Variants in TRIM16 observed in about 807,000 individuals in gnomAD.
TRIM16 encodes tripartite motif-containing protein 16.
Under a neutral mutation model 50.4 loss-of-function variants are expected in TRIM16, and 33 were observed. The ratio of observed to expected loss-of-function variants is 0.65; its 90% CI spans 0.50 to 0.88. TRIM16 has a LOEUF of 0.88. Ranked by LOEUF, TRIM16 falls within the 40% of genes least tolerant of loss-of-function variation. The probability of loss-of-function intolerance (pLI) is 0.00; values close to 1 mark genes in which losing one functional copy is unlikely to be tolerated. For synonymous variants in TRIM16, 229 were observed against 270.7 expected (o/e 0.85, Z 1.51); for missense variants, 581 against 686.8 (o/e 0.85, Z 1.72).
Position 15,628,661 on chromosome 17 carries a change from T to A in TRIM16, c.1649A>T (p.Glu550Val). The change falls in exon 12 of 12, where the codon GAG becomes GTG. Residue 550 changes from glutamate to valine, a missense_variant. Transcript: ENST00000649191. ...ENAIRIVDLG[E>V]EPEKPAPSLV... ...GGACGGTGCTGGCTTCTCGGGTTCC[T>A]CTCCCAGATCTACAATCCGGATGGC... 6.2e-7 allele frequency: 1 copy of A among 1,613,744 alleles called. No homozygotes were observed. Among genetic ancestry groups the A allele is most frequent in the Middle Eastern group, 1.7e-4 (1 of 6,058 alleles).
chr17:15,672,349 G>A (rs1988762817), intron 6 of TRIM16, among the ~76,000 whole-genome samples: 1 of 149,376 alleles, frequency 6.7e-6, no homozygotes, highest in Admixed American at 6.7e-5. Flanking sequence ...CTGAGCTTTA[G>A]CTTAGGTTGT....
At chr17:15,680,979 C>T (rs548471235) in intron 3 of TRIM16, 26 bp from the exon 4 acceptor site, 1 of 1,432,734 alleles carries the variant, frequency 7.0e-7, no homozygotes, top group African/African-American at 1.5e-5. Flanking sequence ...CATAAAGGAA[C>T]CTGGTTTATC....
At chr17:15,666,227 A>T (rs1597659394) in intron 6 of TRIM16, among the ~76,000 whole-genome samples, 1 of 152,192 alleles carries the variant, frequency 6.6e-6, no homozygotes, top group African/African-American at 2.4e-5. Context: ...CATCCAGAGA[A>T]AGCTTTTCAT....
At position 15,642,873 on chromosome 17, in the gene TRIM16, A is replaced by G. The variant is rs1003907642; in HGVS notation, c.520-57T>C. ...AGGAGCCCAATGCACACAGAAGGAC[A>G]CGGGCACTCTCCAGCCCTGACATCC... On this transcript the variant is annotated intron_variant, in intron 7 of 11. Coordinates refer to ENST00000649191, the MANE Select transcript of TRIM16 (RefSeq NM_001348119.1). 2.9e-5 allele frequency: 14 copies of G among 488,626 alleles called. 1 individual carries two copies. Among genetic ancestry groups the G allele is most frequent in the Non-Finnish European group, 4.4e-5 (13 of 292,870 alleles). The allele number at this position is 488,626 out of a possible 1,614,324, so 30.3% of individuals were successfully genotyped here.
At chr17:15,636,838 C>G (rs1028677860) in intron 8 of TRIM16, among the ~76,000 whole-genome samples, 7 of 148,922 alleles carry the variant, frequency 4.7e-5, no homozygotes, top group African/African-American at 1.5e-4. Flanking sequence ...ATATGCAGAA[C>G]AGAATGTGAC....
chr17:15,671,640 T>A (rs548870474), intron 6 of TRIM16, among the ~76,000 whole-genome samples: 10 of 152,136 alleles, frequency 6.6e-5, no homozygotes, highest in Non-Finnish European at 1.2e-4. Flanking sequence ...AGTATTATTT[T>A]GTGTAAAATC....
chr17:15,650,943 G>C, intron 7 of TRIM16, 148 bp downstream of exon 7: 1 of 1,162,292 alleles, frequency 8.6e-7, no homozygotes. Flanking sequence ...TATTTACACT[G>C]ACCCAGCAGG....
intron 7 of TRIM16, among the ~76,000 whole-genome samples, chr17:15,649,377 C>A (rs887020791): frequency 7.2e-5 from 11 of 152,084 alleles, no homozygotes; most frequent in African/African-American, 2.4e-4. Context: ...ACCTCCGCCT[C>A]CCAGGTTCAA....
intron 6 of TRIM16, among the ~76,000 whole-genome samples, chr17:15,673,932 T>C (rs1220468639): frequency 6.6e-6 from 1 of 152,204 alleles, no homozygotes; most frequent in African/African-American, 2.4e-5. Flanking sequence ...GCATAATAGT[T>C]ACTATGTAAG....
intron 9 of TRIM16, among the ~76,000 whole-genome samples, chr17:15,633,098 T>C (rs1986515893): frequency 6.6e-6 from 1 of 152,222 alleles, no homozygotes; most frequent in African/African-American, 2.4e-5. Flanking sequence ...TCCTTGTCAG[T>C]TTCATCCAAT....
intron 6 of TRIM16, among the ~76,000 whole-genome samples, chr17:15,653,028 G>A (rs1281675536): frequency 1.3e-5 from 2 of 152,162 alleles, no homozygotes; most frequent in African/African-American, 4.8e-5. Flanking sequence ...ACTGGAGGTG[G>A]GGCCTGGTGG....
At chr17:15,678,032 A>G (rs1989020858) in intron 4 of TRIM16, among the ~76,000 whole-genome samples, 2 of 152,170 alleles carry the variant, frequency 1.3e-5, no homozygotes, top group South Asian at 2.1e-4. Context: ...CCTGGCTAAC[A>G]TGGTGAAACC....
At chr17:15,661,029 T>C (rs1456815695) in intron 6 of TRIM16, among the ~76,000 whole-genome samples, 1 of 151,160 alleles carries the variant, frequency 6.6e-6, no homozygotes, top group East Asian at 1.9e-4. Context: ...ACCTGGTAAA[T>C]GGTAGATGTT....
At chr17:15,637,408 C>G (rs1986849744) in intron 8 of TRIM16, among the ~76,000 whole-genome samples, 3 of 119,438 alleles carry the variant, frequency 2.5e-5, no homozygotes, top group African/African-American at 1.0e-4. Flanking sequence ...GGGGGTCAGC[C>G]CTCCGCCCGG....
rs146306745 is a variant in TRIM16, at chr17:15,628,984, A to G, written c.1326T>C (p.Val442=). ...GGTCGATGCCTTTGCAGGTCAGGCC[A>G]ACATAGGTGCCTGCCCCGAAGATCT... The part of the protein sequence containing the change: ...EVEIFGAGTY[V]GLTCKGIDRK... Residue 442 remains valine (V), a synonymous_variant, in exon 12 of 12, where the codon GTT becomes GTC. Transcript: ENST00000649191. The G allele has an allele frequency of 8.6e-5, 138 of 1,613,626 alleles. No homozygotes were observed. Among genetic ancestry groups the G allele is most frequent in the Middle Eastern group, 1.6e-4 (1 of 6,084 alleles).
At chr17:15,667,659 T>A (rs192682074) in intron 6 of TRIM16, among the ~76,000 whole-genome samples, 48 of 152,296 alleles carry the variant, frequency 3.2e-4, no homozygotes, top group Non-Finnish European at 5.7e-4. Flanking sequence ...ATTCCATCAT[T>A]TCTATGGAAA....
At chr17:15,641,569 G>C (rs999748546) in intron 8 of TRIM16, among the ~76,000 whole-genome samples, 1 of 148,986 alleles carries the variant, frequency 6.7e-6, no homozygotes, top group African/African-American at 2.5e-5. Context: ...GGTTCTACAG[G>C]TTATCTTGAG....
chr17:15,636,646 T>G (rs1296461753), intron 8 of TRIM16, among the ~76,000 whole-genome samples: 2 of 147,680 alleles, frequency 1.4e-5, no homozygotes, highest in South Asian at 2.2e-4. Context: ...TTTTTTTTTT[T>G]TGTATAATCA....
intron 6 of TRIM16, among the ~76,000 whole-genome samples, chr17:15,670,014 G>C (rs1988660369): frequency 6.6e-6 from 1 of 152,182 alleles, no homozygotes. Context: ...AGTCTTGTGA[G>C]TGCAAAGTAG....
Sources: gnomAD v4.1 joint callset for allele counts (sites outside exome capture counted in the v4.1 genomes callset) on GRCh38, gnomAD v4.1.1 for gene constraint, MANE v1.5 for transcripts, NCBI Gene and HGNC (gene_info 2026-07-23, HGNC 2026-07-21) for gene names.